AARS1: variants seen among roughly 807,000 people sequenced by gnomAD.
The protein encoded by AARS1 is alanine--tRNA ligase, cytoplasmic.
AARS1 carries 72 observed loss-of-function variants against 108.9 expected under a neutral mutation model. The observed-to-expected ratio is 0.66, with a 90% CI of 0.55 to 0.80. AARS1 has a LOEUF of 0.80. AARS1 is among the 30% of genes least tolerant of loss of function. The pLI is 0.00. For synonymous variants in AARS1, 489 were observed against 465.7 expected, an observed-to-expected ratio of 1.05 and a Z score of -0.64; for missense variants, 1,193 against 1,233.2, an observed-to-expected ratio of 0.97 and a Z score of 0.49.
At chr16:70,254,179 T>C in intron 17 of AARS1, 141 bp from the exon 18 acceptor site, 1 of 1,146,098 alleles carries the variant, frequency 8.7e-7, no homozygotes, top group Middle Eastern at 2.7e-4. Context: ...CCAGTCCCTT[T>C]AGGAGCAGCT....
At chr16:70,288,095 CTTCTT>C (rs1051214665) in intron 1 of AARS1, among the ~76,000 whole-genome samples, 7 of 108,446 alleles carry the variant, frequency 6.5e-5, no homozygotes, top group African/African-American at 2.8e-4. Context: ...CCTTCCCCTT[CTTCTT>C]TTTTTTTTTT....
chr16:70,275,155 G>C (rs1460602168), intron 4 of AARS1, among the ~76,000 whole-genome samples: 1 of 151,968 alleles, frequency 6.6e-6, no homozygotes, highest in Non-Finnish European at 1.5e-5. Flanking sequence ...AGCTACTCAG[G>C]AGGCTGAGGC....
intron 13 of AARS1, among the ~76,000 whole-genome samples, chr16:70,259,673 T>C (rs1006366559): frequency 1.3e-5 from 2 of 152,058 alleles, no homozygotes; most frequent in African/African-American, 4.8e-5. Context: ...TTTGTAGAGA[T>C]GGGGTCTCAT....
At chr16:70,255,438 T>C (rs1959964862) in intron 16 of AARS1, among the ~76,000 whole-genome samples, 1 of 152,042 alleles carries the variant, frequency 6.6e-6, no homozygotes, top group Non-Finnish European at 1.5e-5. Context: ...GACCTAGTGA[T>C]CCACCCGCCT....
chr16:70,287,951 G>A (rs971217749), intron 1 of AARS1, among the ~76,000 whole-genome samples: 2 of 151,862 alleles, frequency 1.3e-5, no homozygotes, highest in African/African-American at 2.4e-5. Context: ...TTTTAGTAGA[G>A]ACGGGGTTTC....
intron 16 of AARS1, among the ~76,000 whole-genome samples, chr16:70,255,044 TGAAA>T (rs1409506680): frequency 6.6e-6 from 1 of 151,954 alleles, no homozygotes; most frequent in East Asian, 1.9e-4. Context: ...CCAGTTCCCA[TGAAA>T]GAGCACCCAT....
chr16:70,279,350 C>CACA (rs1960634304), intron 2 of AARS1, among the ~76,000 whole-genome samples: 1 of 37,798 alleles, frequency 2.6e-5, no homozygotes, highest in African/African-American at 1.2e-4. Context: ...AACTTCATCT[C>CACA]AAAAAAAAAA....
rs757366070 is a variant in AARS1 at position 70,253,986 on chromosome 16, GTC to G, written c.2451_2452del (p.Glu817AspfsTer11). ...CATGACCTTCTTTAGGGATTTGAGAGTCTCCCGCAATTCATCCTTCTGCCACT... is the reference window on the plus strand; with the variant it reads ...CATGACCTTCTTTAGGGATTTGAGAGTCCCGCAATTCATCCTTCTGCCACT... On this transcript the variant is annotated frameshift_variant, in exon 18 of 21. Coordinates refer to ENST00000261772, the MANE Select transcript of AARS1 (RefSeq NM_001605.3). LOFTEE classifies it high-confidence loss of function. 1 of 1,614,176 alleles carries G rather than the reference GTC, an allele frequency of 6.2e-7. No individual in the cohort carries two copies. Among genetic ancestry groups the G allele is most frequent in the South Asian group, 1.1e-5 (1 of 91,082 alleles).
At position 70,277,130 on chromosome 16, in the gene AARS1, T is replaced by C. The variant is rs372131127; in HGVS notation, c.169A>G (p.Ile57Val). The C allele has an allele frequency of 3.0e-5, 49 of 1,613,956 alleles. No homozygotes were observed. Among genetic ancestry groups the C allele is most frequent in the Non-Finnish European group, 4.0e-5 (47 of 1,180,028 alleles). Reference sequence around the variant, plus strand: ...TTTGCCATGGGGTGAGATGGGTCAATTGTGTTCAGGAAAATGGGTTTAAAC... The same window carrying C: ...TTTGCCATGGGGTGAGATGGGTCAACTGTGTTCAGGAAAATGGGTTTAAAC... ...NQFKPIFLNT[I>V]DPSHPMAKLS... is the part of the protein sequence containing the mutation. Residue 57 changes from isoleucine (I) to valine (V), a missense_variant, in exon 3 of 21, where the codon ATT becomes GTT. Ile to Val is a conservative substitution (Grantham distance 29). Transcript: ENST00000261772.
At chr16:70,261,580 A>T (rs1960132293) in intron 12 of AARS1, among the ~76,000 whole-genome samples, 1 of 146,568 alleles carries the variant, frequency 6.8e-6, no homozygotes, top group Non-Finnish European at 1.5e-5. Flanking sequence ...CCTTGGCTAC[A>T]GAGCGAGACT....
chr16:70,276,725 C>A, intron 3 of AARS1, 94 bp from the exon 4 acceptor site: 1 of 1,397,918 alleles, frequency 7.2e-7, no homozygotes. Flanking sequence ...TACAAAATCA[C>A]AACATGTTCA....
In AARS1 at chr16:70,265,632, T is replaced by C. The variant is rs147433234; in HGVS notation, c.1253A>G (p.Tyr418Cys). 97 of 1,613,780 alleles carry C rather than the reference T, an allele frequency of 6.0e-5. No homozygotes were observed. Among genetic ancestry groups the C allele is most frequent in the African/African-American group, 4.3e-4 (32 of 74,966 alleles). ...GDTAWLLYDT[Y>C]GFPVDLTGLI... ...TCCAGTCAGATCCACTGGAAACCCA[T>C]AGGTGTCATAGAGGAGCCAAGCAGT... Residue 418 changes from tyrosine (Y) to cysteine (C), a missense_variant, in exon 10 of 21, where the codon TAT (tyrosine) becomes TGT (cysteine). Coordinates refer to ENST00000261772, the MANE Select transcript of AARS1 (RefSeq NM_001605.3).
chr16:70,286,484 C>T (rs932469757), intron 1 of AARS1, among the ~76,000 whole-genome samples: 3 of 151,672 alleles, frequency 2.0e-5, no homozygotes, highest in African/African-American at 4.8e-5. Context: ...CCTCAGCCTC[C>T]GGAGTAGCTA....
intron 12 of AARS1, among the ~76,000 whole-genome samples, chr16:70,261,854 A>C (rs1299372259): frequency 2.0e-5 from 3 of 151,810 alleles, no homozygotes; most frequent in African/African-American, 7.2e-5. Flanking sequence ...ATGTCAGTAG[A>C]GACAGGGTTT....
At chr16:70,279,986 CA>C (rs1960655735) in intron 2 of AARS1, among the ~76,000 whole-genome samples, 1 of 152,152 alleles carries the variant, frequency 6.6e-6, no homozygotes, top group South Asian at 2.1e-4. Context: ...TGGGCTCAAG[CA>C]ATACTCCCAC....
chr16:70,270,897 C>T lies in AARS1; in HGVS notation c.672-557G>A, dbSNP rs543825973. On this transcript the variant is annotated intron_variant, in intron 5 of 20. Transcript: ENST00000261772. ...GGCATGGTGGCTCACGCCTGTAATACCAGCATTTTGGGAGGCCGAGGCGGG... is the reference window on the plus strand; with the variant it reads ...GGCATGGTGGCTCACGCCTGTAATATCAGCATTTTGGGAGGCCGAGGCGGG... 5.8e-4 allele frequency among the ~76,000 whole-genome samples: 87 copies of T among 149,110 alleles called. No homozygotes were observed. In the South Asian group the frequency reaches 7.8e-3, roughly 13 times the overall value.
intron 12 of AARS1, among the ~76,000 whole-genome samples, chr16:70,261,671 A>AT (rs11385686): frequency 0.5 from 66,342 of 131,672 alleles, 16,991 homozygotes; most frequent in African/African-American, 0.56. Context: ...GCATCTTAGA[A>AT]TTTTTTTTTT....
rs1219319118 is a variant in AARS1, at chr16:70,253,815, T to C, written c.2521-15A>G. ...TTCTCTAACACCTGCAAGAAAAAAG[T>C]CCAGAACAGCAGCTCAGACCAAAAG... On this transcript the variant is annotated splice_polypyrimidine_tract_variant and intron_variant, in intron 18 of 20. Coordinates refer to ENST00000261772, the MANE Select transcript of AARS1 (RefSeq NM_001605.3). The C allele has an allele frequency of 6.2e-7, 1 of 1,614,134 alleles. No individual in the cohort carries two copies. The highest frequency in any genetic ancestry group is 8.5e-7 in the Non-Finnish European group (1 of 1,180,012).
intron 3 of AARS1, 22 bp from the exon 4 acceptor site, chr16:70,276,653 A>C: frequency 6.2e-7 from 1 of 1,613,438 alleles, no homozygotes; most frequent in Non-Finnish European, 8.5e-7. Flanking sequence ...ACAGAGAGAA[A>C]GATATGGAAC....
Sources: allele counts gnomAD v4.1 joint callset (sites outside exome capture counted in the v4.1 genomes callset), GRCh38; gene constraint gnomAD v4.1.1; transcripts MANE v1.5; gene names NCBI Gene and HGNC (gene_info 2026-07-23, HGNC 2026-07-21).